The following ANO10 variants were observed in gnomAD, a reference collection of about 807,000 sequenced individuals.
The protein encoded by ANO10 is anoctamin-10.
In ANO10, 77 loss-of-function variants were observed where a neutral mutation model predicts 74.7. That is an observed-to-expected ratio of 1.03 (90% CI 0.86 to 1.25). The LOEUF (loss-of-function observed/expected upper bound fraction) is 1.25, where lower values mean the gene tolerates loss of function less well. Ranked by LOEUF, ANO10 falls within the 50% of genes most tolerant of loss-of-function variation. ANO10 has a pLI of 0.00. For missense variants in ANO10, 721 were observed against 778.1 expected (o/e 0.93, Z 0.87); for synonymous variants, 279 against 284.9 (o/e 0.98, Z 0.21).
chr3:43,495,387 A>G (rs147384735), intron 11 of ANO10, among the ~76,000 whole-genome samples: 1 of 152,312 alleles, frequency 6.6e-6, no homozygotes, highest in Non-Finnish European at 1.5e-5. Context: ...CTTGGGTTAT[A>G]TAAAAAATGG....
chr3:43,623,100 A>C (rs1317044373), upstream of ANO10, among the ~76,000 whole-genome samples: 1 of 152,174 alleles, frequency 6.6e-6, no homozygotes, highest in Admixed American at 6.5e-5. Flanking sequence ...TCCTGACCTC[A>C]GGTGATCCGC....
chr3:43,532,128 T>C (rs772772077), intron 11 of ANO10, among the ~76,000 whole-genome samples: 59 of 152,298 alleles, frequency 3.9e-4, no homozygotes, highest in Middle Eastern at 6.8e-3. Context: ...GTCTCAAATA[T>C]TCCCCTAAAG....
In ANO10 at chr3:43,590,965, G is replaced by A. The variant is rs577249135; in HGVS notation, c.472+7567C>T. Among the ~76,000 whole-genome samples the A allele has an allele frequency of 6.2e-4, 95 of 152,254 alleles. No individual in the cohort carries two copies. In the South Asian group the frequency reaches 0.011, roughly 17 times the overall value. ...GAGGGCTCACTAAAATACCAATTAGGCTAAAAGCAGGAGGTAAAGAAATAG... is the reference window on the plus strand; with the variant it reads ...GAGGGCTCACTAAAATACCAATTAGACTAAAAGCAGGAGGTAAAGAAATAG... On this transcript the variant is annotated intron_variant, in intron 4 of 12. Transcript: ENST00000292246.
chr3:43,651,093 G>A (rs1418513232), intron 1 of ANO10, among the ~76,000 whole-genome samples: 5 of 152,044 alleles, frequency 3.3e-5, no homozygotes, highest in Admixed American at 2.0e-4. Context: ...TGTTTCTTTT[G>A]GGGGAGGGCA....
At chr3:43,424,177 G>C (rs2092863375) in intron 12 of ANO10, among the ~76,000 whole-genome samples, 1 of 152,154 alleles carries the variant, frequency 6.6e-6, no homozygotes, top group Non-Finnish European at 1.5e-5. Context: ...CTTCTCTGCA[G>C]CTACACAGGG....
chr3:43,446,559 G>C (rs930540612), intron 11 of ANO10, among the ~76,000 whole-genome samples: 10 of 152,070 alleles, frequency 6.6e-5, no homozygotes, highest in African/African-American at 2.4e-4. Flanking sequence ...TTTATTACTT[G>C]TTATGTTCTT....
At chr3:43,657,604 TA>T (rs767438943) in intron 1 of ANO10, among the ~76,000 whole-genome samples, 3 of 152,208 alleles carry the variant, frequency 2.0e-5, no homozygotes, top group East Asian at 1.9e-4. Context: ...AACTGAGGAA[TA>T]AAGAGACAGA....
At chr3:43,594,542 A>C (rs1271148711) in intron 4 of ANO10, among the ~76,000 whole-genome samples, 1 of 152,232 alleles carries the variant, frequency 6.6e-6, no homozygotes, top group Non-Finnish European at 1.5e-5. Flanking sequence ...AGGCAGAAAC[A>C]AAGGTGTTCT....
intron 10 of ANO10, among the ~76,000 whole-genome samples, chr3:43,553,470 A>G (rs1393677933): frequency 6.6e-6 from 1 of 151,242 alleles, no homozygotes; most frequent in Non-Finnish European, 1.5e-5. Context: ...ATACCCCCAC[A>G]GGTCCCTGAG....
At chr3:43,488,419 A>G (rs1196187204) in intron 11 of ANO10, among the ~76,000 whole-genome samples, 3 of 149,426 alleles carry the variant, frequency 2.0e-5, no homozygotes, top group Admixed American at 2.0e-4. Flanking sequence ...CAACCTACTC[A>G]TCTGACAAAG....
intron 11 of ANO10, among the ~76,000 whole-genome samples, chr3:43,441,985 TAA>T (rs1452478736): frequency 6.6e-6 from 1 of 150,714 alleles, no homozygotes; most frequent in Non-Finnish European, 1.5e-5. Flanking sequence ...AAAGTAGGAG[TAA>T]AAAGAAATTA....
At chr3:43,477,984 T>C (rs2076133905) in intron 11 of ANO10, among the ~76,000 whole-genome samples, 1 of 152,220 alleles carries the variant, frequency 6.6e-6, no homozygotes, top group South Asian at 2.1e-4. Flanking sequence ...CTCTGTTTTT[T>C]CAGTTCACAC....
At chr3:43,572,455 C>A (rs1246511739) in intron 7 of ANO10, among the ~76,000 whole-genome samples, 1 of 152,168 alleles carries the variant, frequency 6.6e-6, no homozygotes, top group Non-Finnish European at 1.5e-5. Flanking sequence ...ATATAAGAGG[C>A]CTCTTCATGC....
At chr3:43,676,334 G>T (rs763016784) in intron 1 of ANO10, among the ~76,000 whole-genome samples, 1 of 152,016 alleles carries the variant, frequency 6.6e-6, no homozygotes, top group Non-Finnish European at 1.5e-5. Flanking sequence ...ATGGTGGTAA[G>T]CATGTGGTCC....
intron 11 of ANO10, among the ~76,000 whole-genome samples, chr3:43,439,727 A>G (rs2093130831): frequency 6.6e-6 from 1 of 152,048 alleles, no homozygotes; most frequent in African/African-American, 2.4e-5. Context: ...AAAAAAATAC[A>G]GAATTTAGCC....
intron 12 of ANO10, among the ~76,000 whole-genome samples, chr3:43,402,060 C>G (rs1413349438): frequency 6.6e-6 from 1 of 152,222 alleles, no homozygotes; most frequent in Non-Finnish European, 1.5e-5. Flanking sequence ...TTCCTTCAAT[C>G]CAGAGGCTGA....
chr3:43,425,572 T>C (rs1259907263), intron 12 of ANO10, among the ~76,000 whole-genome samples: 4 of 152,202 alleles, frequency 2.6e-5, no homozygotes, highest in African/African-American at 9.6e-5. Flanking sequence ...ACAGGGAGGT[T>C]GGCAGGCCTC....
intron 1 of ANO10, among the ~76,000 whole-genome samples, chr3:43,618,788 C>T (rs1333787083): frequency 2.6e-5 from 4 of 152,080 alleles, no homozygotes; most frequent in Non-Finnish European, 4.4e-5. Flanking sequence ...TAAAAGGCAC[C>T]TTATTAGTTA....
At chr3:43,530,222 C>T (rs1355742983) in intron 11 of ANO10, among the ~76,000 whole-genome samples, 1 of 151,940 alleles carries the variant, frequency 6.6e-6, no homozygotes, top group Non-Finnish European at 1.5e-5. Context: ...TTCCTATGCA[C>T]CAAATAACAC....
Sources: gnomAD v4.1 joint callset for allele counts (sites outside exome capture counted in the v4.1 genomes callset) on GRCh38, gnomAD v4.1.1 for gene constraint, MANE v1.5 for transcripts, NCBI Gene and HGNC (gene_info 2026-07-23, HGNC 2026-07-21) for gene names.